The following SPATS2 variants were observed in gnomAD, a reference collection of about 807,000 sequenced individuals.
SPATS2 encodes the protein spermatogenesis-associated serine-rich protein 2.
SPATS2 carries 38 observed loss-of-function variants against 63.7 expected under a neutral mutation model. That is an observed-to-expected ratio of 0.60 (90% CI 0.46 to 0.78). The LOEUF is 0.78. SPATS2 is among the 30% of genes least tolerant of loss of function. SPATS2 has a pLI of 0.00. For synonymous variants in SPATS2, 207 were observed against 232.9 expected (o/e 0.89, Z 1.01); for missense variants, 588 against 666.2 (o/e 0.88, Z 1.29).
At chr12:49,436,278 T>C (rs868059672) in intron 2 of SPATS2, among the ~76,000 whole-genome samples, 1,208 of 99,352 alleles carry the variant, frequency 0.012, no homozygotes, top group Middle Eastern at 0.048. Context: ...GGGGCTGACC[T>C]CCCCACCTCC....
chr12:49,409,954 G>A (rs1944767871), intron 2 of SPATS2, among the ~76,000 whole-genome samples: 3 of 152,168 alleles, frequency 2.0e-5, no homozygotes, highest in Middle Eastern at 6.8e-3. Context: ...GTGTAGAGAA[G>A]GAATCTTAAA....
intron 2 of SPATS2, among the ~76,000 whole-genome samples, chr12:49,394,027 C>T (rs982224708): frequency 2.0e-5 from 3 of 152,110 alleles, no homozygotes; most frequent in African/African-American, 7.2e-5. Flanking sequence ...TATTCCAGGA[C>T]TTTTGCATTT....
rs369282748 is a variant in SPATS2, at chr12:49,384,925, T to C, written c.-244+13635T>C. ...CCCGGGTTCAAGCAATTATCCTGCC[T>C]CATCCTCCCGAGTAGCTGGGATTAC... On this transcript the variant is annotated intron_variant, in intron 2 of 13. Transcript: ENST00000552918. Among the ~76,000 whole-genome samples the C allele has an allele frequency of 5.9e-5, 9 of 152,174 alleles. No homozygotes were observed. The South Asian group carries it at 1.0e-3, about 18-fold the overall frequency.
intron 3 of SPATS2, among the ~76,000 whole-genome samples, chr12:49,478,573 A>G (rs991503584): frequency 6.6e-6 from 1 of 152,202 alleles, no homozygotes; most frequent in African/African-American, 2.4e-5. Context: ...TGTTCATGAG[A>G]TACCATTTCT....
chr12:49,389,936 A>G (rs566114653), intron 2 of SPATS2: 2 of 805,102 alleles, frequency 2.5e-6, no homozygotes, highest in African/African-American at 1.7e-5. Context: ...TGTTGACCAG[A>G]TAAATGAAAT....
intron 9 of SPATS2, among the ~76,000 whole-genome samples, chr12:49,504,656 A>G (rs12311831): frequency 7.3e-4 from 111 of 151,918 alleles, no homozygotes; most frequent in African/African-American, 2.2e-3. Context: ...TTGAGATTAT[A>G]TATCACAGAA....
intron 4 of SPATS2, among the ~76,000 whole-genome samples, chr12:49,486,730 G>A (rs988866407): frequency 2.0e-5 from 3 of 149,732 alleles, no homozygotes; most frequent in Non-Finnish European, 4.4e-5. Flanking sequence ...GCAGTGAGCC[G>A]AGATTGTGCC....
At chr12:49,444,746 G>A (rs190506816) in intron 2 of SPATS2, among the ~76,000 whole-genome samples, 14 of 152,146 alleles carry the variant, frequency 9.2e-5, no homozygotes, top group African/African-American at 3.4e-4. Context: ...TGGGATTACA[G>A]GTGCTCGCCA....
intron 7 of SPATS2, among the ~76,000 whole-genome samples, chr12:49,495,493 G>A (rs1021396770): frequency 6.6e-5 from 10 of 151,940 alleles, no homozygotes; most frequent in Non-Finnish European, 1.2e-4. Context: ...CACCGCGCCT[G>A]GCTGAAAAAA....
intron 2 of SPATS2, among the ~76,000 whole-genome samples, chr12:49,411,035 A>G (rs1205531087): frequency 6.6e-6 from 1 of 152,072 alleles, no homozygotes; most frequent in Non-Finnish European, 1.5e-5. Context: ...TATAGGGCCT[A>G]AACTTTTGCC....
At chr12:49,375,619 TA>T (rs1458650145) in intron 2 of SPATS2, among the ~76,000 whole-genome samples, 1 of 152,222 alleles carries the variant, frequency 6.6e-6, no homozygotes, top group Non-Finnish European at 1.5e-5. Flanking sequence ...ATTTTTATAG[TA>T]AATTGCTCTT....
chr12:49,381,518 A>C (rs2137191300), intron 2 of SPATS2, among the ~76,000 whole-genome samples: 1 of 152,314 alleles, frequency 6.6e-6, no homozygotes, highest in Non-Finnish European at 1.5e-5. Context: ...GTATACATAA[A>C]ATCAGTTTAT....
At chr12:49,434,362 G>C (rs550867581) in intron 2 of SPATS2, among the ~76,000 whole-genome samples, 1 of 152,004 alleles carries the variant, frequency 6.6e-6, no homozygotes, top group African/African-American at 2.4e-5. Flanking sequence ...TACATTCACA[G>C]TGTTGTGTAG....
At chr12:49,431,562 C>G (rs1374870782) in intron 2 of SPATS2, among the ~76,000 whole-genome samples, 3 of 152,108 alleles carry the variant, frequency 2.0e-5, no homozygotes, top group Non-Finnish European at 4.4e-5. Flanking sequence ...GAACTTTTCT[C>G]AAAAACATTT....
chr12:49,422,689 T>G (rs1446007797), intron 2 of SPATS2, among the ~76,000 whole-genome samples: 2 of 152,142 alleles, frequency 1.3e-5, no homozygotes, highest in Non-Finnish European at 1.5e-5. Context: ...CCGCTTGAAC[T>G]TGAGCTCCGG....
At chr12:49,382,537 C>G (rs1205549799) in intron 2 of SPATS2, among the ~76,000 whole-genome samples, 1 of 152,154 alleles carries the variant, frequency 6.6e-6, no homozygotes, top group African/African-American at 2.4e-5. Flanking sequence ...GTGTGTGAAG[C>G]AAAAGGTCCC....
intron 2 of SPATS2, chr12:49,442,662 A>C (rs1252381915): frequency 6.6e-6 from 1 of 152,222 alleles, no homozygotes; most frequent in Non-Finnish European, 1.5e-5. Context: ...ATAGAGATGG[A>C]ATCTCACTGT....
chr12:49,423,975 G>A (rs1945028521), intron 2 of SPATS2, among the ~76,000 whole-genome samples: 1 of 152,070 alleles, frequency 6.6e-6, no homozygotes, highest in African/African-American at 2.4e-5. Context: ...GGCCAAGGCG[G>A]GCAAATCACT....
At chr12:49,518,087 T>TG (rs1358338668) in intron 10 of SPATS2, among the ~76,000 whole-genome samples, 1 of 152,212 alleles carries the variant, frequency 6.6e-6, no homozygotes, top group Non-Finnish European at 1.5e-5. Flanking sequence ...CTTCCAAGGA[T>TG]GGGGTCTCAT....
Sources: gnomAD v4.1 joint callset for allele counts (sites outside exome capture counted in the v4.1 genomes callset) on GRCh38, gnomAD v4.1.1 for gene constraint, MANE v1.5 for transcripts, NCBI Gene and HGNC (gene_info 2026-07-23, HGNC 2026-07-21) for gene names.